The following ADGRL3 variants were observed in gnomAD, a reference collection of about 807,000 sequenced individuals.
ADGRL3 encodes adhesion G protein-coupled receptor L3.
A neutral mutation model predicts 153.5 loss-of-function variants in ADGRL3; 62 were observed. The observed-to-expected ratio is 0.40, with a 90% CI of 0.33 to 0.50. The LOEUF (loss-of-function observed/expected upper bound fraction) is 0.50, where lower values mean the gene tolerates loss of function less well. Ranked by LOEUF, ADGRL3 falls within the 20% of genes least tolerant of loss-of-function variation. The pLI is 0.47. For missense variants in ADGRL3, 1,641 were observed against 1,859.4 expected (o/e 0.88, Z 2.16); for synonymous variants, 710 against 672.5 (o/e 1.06, Z -0.86).
chr4:61,601,748 A>T (rs1283152976), intron 5 of ADGRL3, among the ~76,000 whole-genome samples: 2 of 152,172 alleles, frequency 1.3e-5, no homozygotes, highest in Non-Finnish European at 2.9e-5. Flanking sequence ...TCTGCTAAGG[A>T]AGACAACATA....
At chr4:61,266,206 C>T (rs1488788870) in intron 1 of ADGRL3, among the ~76,000 whole-genome samples, 1 of 151,736 alleles carries the variant, frequency 6.6e-6, no homozygotes, top group East Asian at 1.9e-4. Flanking sequence ...CGATTATATC[C>T]TAAGGGTCCG....
rs2092737706 is a variant in ADGRL3, at chr4:61,624,852, A to ATG, written c.473+37412_473+37413insTG. Among the ~76,000 whole-genome samples, 3 of 152,164 alleles carry ATG rather than the reference A, an allele frequency of 2.0e-5. 1 individual carries two copies. The South Asian group carries it at 6.2e-4, about 32-fold the overall frequency. The stretch of plus-strand genomic sequence containing the variant: ...TTTTATGTACTAAACTACCCCCAAA[A>ATG]GCAGCTTAAATATTTTGTTATATAC... On this transcript the variant is annotated intron_variant, in intron 5 of 26. Coordinates refer to ENST00000683033, the MANE Select transcript of ADGRL3 (RefSeq NM_001387552.1).
chr4:61,689,128 G>C (rs1188677857), intron 6 of ADGRL3, among the ~76,000 whole-genome samples: 1 of 152,074 alleles, frequency 6.6e-6, no homozygotes, highest in Non-Finnish European at 1.5e-5. Flanking sequence ...TTTTGGAGTT[G>C]ATATGCTGGT....
chr4:61,475,220 T>C (rs777445515), intron 2 of ADGRL3, among the ~76,000 whole-genome samples: 1 of 152,192 alleles, frequency 6.6e-6, no homozygotes, highest in Non-Finnish European at 1.5e-5. Context: ...GATGTCTTAC[T>C]TATTTGTAAA....
At chr4:61,416,443 C>T (rs1203932395) in intron 2 of ADGRL3, among the ~76,000 whole-genome samples, 2 of 152,022 alleles carry the variant, frequency 1.3e-5, no homozygotes, top group Non-Finnish European at 2.9e-5. Context: ...TCAAAGATAT[C>T]TGTTATTTAA....
Position 61,411,566 on chromosome 4 carries a change from G to T in ADGRL3, c.-174+28377G>T, listed in dbSNP as rs2152269062. Among the ~76,000 whole-genome samples the T allele has an allele frequency of 2.6e-5, 4 of 152,218 alleles. No individual in the cohort carries two copies. In the South Asian group the frequency reaches 8.3e-4, roughly 32 times the overall value. On this transcript the variant is annotated intron_variant, in intron 2 of 26. Transcript: ENST00000683033. ...TAATCAGCTATTTCCAATTTCAGATGACCTGTATTCAGCTTCCAGGTTTGA... is the reference window on the plus strand; with the variant it reads ...TAATCAGCTATTTCCAATTTCAGATTACCTGTATTCAGCTTCCAGGTTTGA...
At chr4:61,837,836 C>G (rs528159120) in intron 9 of ADGRL3, among the ~76,000 whole-genome samples, 1 of 152,030 alleles carries the variant, frequency 6.6e-6, no homozygotes. Flanking sequence ...AACAATTACA[C>G]GCTGTTGTCA....
intron 9 of ADGRL3, among the ~76,000 whole-genome samples, chr4:61,848,324 C>T (rs1295749926): frequency 2.0e-5 from 3 of 150,968 alleles, no homozygotes; most frequent in Admixed American, 6.7e-5. Flanking sequence ...CATGTTCCCT[C>T]TGAAGCCTCT....
At chr4:61,377,997 CA>C (rs1327970367) in intron 1 of ADGRL3, among the ~76,000 whole-genome samples, 1 of 151,878 alleles carries the variant, frequency 6.6e-6, no homozygotes, top group African/African-American at 2.4e-5. Flanking sequence ...TAGGGATTTC[CA>C]AAATCTATTT....
chr4:61,629,759 A>G (rs2093046235), intron 5 of ADGRL3, among the ~76,000 whole-genome samples: 1 of 121,116 alleles, frequency 8.3e-6, no homozygotes, highest in Non-Finnish European at 1.8e-5. Flanking sequence ...AAAAAAAAAA[A>G]AAAAAAATTC....
intron 11 of ADGRL3, among the ~76,000 whole-genome samples, chr4:61,908,976 T>A (rs556195071): frequency 6.6e-6 from 1 of 152,326 alleles, no homozygotes; most frequent in South Asian, 2.1e-4. Flanking sequence ...AAAATCAGCA[T>A]GTAGTTTCAG....
At chr4:61,765,863 T>TAGAATAGCAGATGGAACACTGAGC (rs2096971360) in intron 8 of ADGRL3, among the ~76,000 whole-genome samples, 3 of 152,014 alleles carry the variant, frequency 2.0e-5, no homozygotes, top group Non-Finnish European at 2.9e-5. Context: ...TGAGGAGTAG[T>TAGAATAGCAGATGGAACACTGAGC]AGAATAGCAG....
At chr4:61,359,924 A>G (rs1186230403) in intron 1 of ADGRL3, among the ~76,000 whole-genome samples, 1 of 151,948 alleles carries the variant, frequency 6.6e-6, no homozygotes, top group Non-Finnish European at 1.5e-5. Flanking sequence ...TATTATGATG[A>G]TGTTATTGAT....
intron 1 of ADGRL3, among the ~76,000 whole-genome samples, chr4:61,334,245 G>A (rs1240076848): frequency 6.6e-6 from 1 of 152,038 alleles, no homozygotes; most frequent in Non-Finnish European, 1.5e-5. Context: ...TTTTTATAGT[G>A]TACATGAACT....
chr4:61,257,307 C>G (rs897339529), intron 1 of ADGRL3, among the ~76,000 whole-genome samples: 4 of 152,088 alleles, frequency 2.6e-5, no homozygotes, highest in African/African-American at 9.7e-5. Context: ...ATTTTTAACT[C>G]TGTTGAAAGA....
At chr4:61,421,035 G>T (rs978785518) in intron 2 of ADGRL3, among the ~76,000 whole-genome samples, 1 of 152,068 alleles carries the variant, frequency 6.6e-6, no homozygotes, top group Non-Finnish European at 1.5e-5. Context: ...TGCTGGCCGG[G>T]CACAGTGGCT....
At position 62,072,319 on chromosome 4, in the gene ADGRL3, T is replaced by C. The variant is rs1745932702; in HGVS notation, c.*1411T>C. 6.5e-6 allele frequency: 1 copy of C among 152,706 alleles called. No individual in the cohort carries two copies. Among genetic ancestry groups the C allele is most frequent in the East Asian group, 1.9e-4 (1 of 5,176 alleles). The allele number at this position is 152,706 out of a possible 1,614,324, so 9.5% of individuals were successfully genotyped here. On this transcript the variant is annotated 3_prime_UTR_variant, in exon 27 of 27. Coordinates refer to ENST00000683033, the MANE Select transcript of ADGRL3 (RefSeq NM_001387552.1). Reference sequence around the variant, plus strand: ...ACAAAAGGTAAATTAGCAGCACATATAATTTTTTTTTAATTTATGATCCAT... The same window carrying C: ...ACAAAAGGTAAATTAGCAGCACATACAATTTTTTTTTAATTTATGATCCAT...
At chr4:61,616,788 G>T (rs914601333) in intron 5 of ADGRL3, among the ~76,000 whole-genome samples, 2 of 151,706 alleles carry the variant, frequency 1.3e-5, no homozygotes, top group African/African-American at 4.8e-5. Context: ...TCTTACTTTG[G>T]TATCCAAAAT....
At chr4:61,348,911 A>G (rs551369068) in intron 1 of ADGRL3, among the ~76,000 whole-genome samples, 5 of 152,178 alleles carry the variant, frequency 3.3e-5, no homozygotes, top group African/African-American at 1.2e-4. Flanking sequence ...GAAATAATAC[A>G]GTGTAAGTAA....
Sources: allele counts gnomAD v4.1 joint callset (sites outside exome capture counted in the v4.1 genomes callset), GRCh38; gene constraint gnomAD v4.1.1; transcripts MANE v1.5; gene names NCBI Gene and HGNC (gene_info 2026-07-23, HGNC 2026-07-21).